The following BCL11A variants were observed in gnomAD, a reference collection of about 807,000 sequenced individuals.
BCL11A encodes the protein B cell CLL/lymphoma 11A.
In BCL11A, 2 loss-of-function variants were observed where a neutral mutation model predicts 55.9. The observed-to-expected ratio is 0.04, with a 90% CI of 0.01 to 0.11. The LOEUF (loss-of-function observed/expected upper bound fraction) is 0.11, where lower values mean the gene tolerates loss of function less well. BCL11A is among the 10% of genes least tolerant of loss of function. BCL11A has a pLI of 1.00. For missense variants in BCL11A, 817 were observed against 1,137.1 expected, an observed-to-expected ratio of 0.72 and a Z score of 4.05; for synonymous variants, 465 against 473.4, an observed-to-expected ratio of 0.98 and a Z score of 0.23.
chr2:60,493,795 T>A (rs1211425215), intron 2 of BCL11A, among the ~76,000 whole-genome samples: 1 of 152,166 alleles, frequency 6.6e-6, no homozygotes, highest in African/African-American at 2.4e-5. Flanking sequence ...TGCTGCCCAG[T>A]GCTGTGGACA....
intron 1 of BCL11A, among the ~76,000 whole-genome samples, chr2:60,550,680 A>G (rs918243529): frequency 6.6e-6 from 1 of 152,064 alleles, no homozygotes; most frequent in African/African-American, 2.4e-5. Flanking sequence ...TAACCCCGGG[A>G]CAGGAGGAGG....
intron 2 of BCL11A, among the ~76,000 whole-genome samples, chr2:60,479,399 C>T (rs1265885216): frequency 6.6e-6 from 1 of 152,224 alleles, no homozygotes; most frequent in African/African-American, 2.4e-5. Context: ...CTAGCATTTC[C>T]ACGCAGTCCC....
At position 60,451,991 on chromosome 2, in the gene BCL11A, G is replaced by A. The variant is rs979149594; in HGVS notation, c.*584C>T. On this transcript the variant is annotated 3_prime_UTR_variant, in exon 5 of 5. Transcript: ENST00000356842. The stretch of plus-strand genomic sequence containing the variant: ...TTCTCCTTGAAAATTTATGCCATCT[G>A]ATAAGCGGTAACCTAGTTCCCCTCC... The A allele has an allele frequency of 1.3e-5, 3 of 227,782 alleles. No homozygotes were observed. The Admixed American group carries it at 1.7e-4, about 13-fold the overall frequency. 14.1% of individuals were successfully genotyped at this position (227,782 alleles called of 1,614,324 possible).
In BCL11A at chr2:60,459,218, T is replaced by C; in HGVS notation, c.*1186A>G. 1 of 1,020,590 alleles carries C rather than the reference T, an allele frequency of 9.8e-7. No individual in the cohort carries two copies. 63.2% of individuals were successfully genotyped at this position (1,020,590 alleles called of 1,614,324 possible). A position where few individuals can be genotyped will look rare whatever the true frequency, so the allele number is the denominator to read the frequency against. ...GTATACAAGGTCTTAAAGTTTATCA[T>C]TTGATTGTCCACTTGACAACCAAGT... On this transcript the variant is annotated 3_prime_UTR_variant, in exon 4 of 4. Transcript: ENST00000642384.
intron 2 of BCL11A, among the ~76,000 whole-genome samples, chr2:60,486,401 A>G (rs1201723171): frequency 6.6e-6 from 1 of 152,242 alleles, no homozygotes; most frequent in Non-Finnish European, 1.5e-5. Flanking sequence ...CTTTCTGCAC[A>G]TATGTGTAGT....
intron 3 of BCL11A, among the ~76,000 whole-genome samples, chr2:60,465,267 G>T (rs1365783410): frequency 6.6e-6 from 1 of 152,166 alleles, no homozygotes; most frequent in Non-Finnish European, 1.5e-5. Context: ...AGAAAGACTG[G>T]AATTGATTTC....
At chr2:60,550,222 ACTGCACCGTGCTCCGAGCCCGGCGCGCG>A (rs1462635396) in intron 1 of BCL11A, among the ~76,000 whole-genome samples, 15 of 151,626 alleles carry the variant, frequency 9.9e-5, no homozygotes, top group Non-Finnish European at 4.4e-5. Flanking sequence ...GAAAGCGAAA[ACTGCACCGTGCTCCGAGCCCGGCGCGCG>A]CTGGTCTCAG....
intron 2 of BCL11A, among the ~76,000 whole-genome samples, chr2:60,488,908 C>A (rs1346488403): frequency 6.6e-6 from 1 of 152,128 alleles, no homozygotes; most frequent in Non-Finnish European, 1.5e-5. Context: ...TATAGGCATG[C>A]GCCACCACAC....
At chr2:60,545,242 AC>A (rs1228420617) in intron 2 of BCL11A, 5 of 152,178 alleles carry the variant, frequency 3.3e-5, no homozygotes, top group African/African-American at 1.2e-4. Flanking sequence ...TGTCAAACCA[AC>A]CTTTTGAAAT....
At chr2:60,491,700 AAAAG>A (rs888788717) in intron 2 of BCL11A, among the ~76,000 whole-genome samples, 6 of 151,576 alleles carry the variant, frequency 4.0e-5, no homozygotes, top group African/African-American at 1.4e-4. Flanking sequence ...AAAAAAAAAA[AAAAG>A]AAAGAAATGC....
At chr2:60,480,814 G>C (rs141264188) in intron 2 of BCL11A, among the ~76,000 whole-genome samples, 15 of 152,196 alleles carry the variant, frequency 9.9e-5, no homozygotes, top group African/African-American at 3.6e-4. Context: ...CTCTCAATTT[G>C]TTTTAGCAAT....
chr2:60,497,196 A>C (rs1678997780), intron 2 of BCL11A, among the ~76,000 whole-genome samples: 1 of 152,224 alleles, frequency 6.6e-6, no homozygotes. Context: ...AAGTCCTTCC[A>C]TGCAGTAGCT....
chr2:60,492,644 G>C (rs1573002095), intron 2 of BCL11A, among the ~76,000 whole-genome samples: 1 of 134,464 alleles, frequency 7.4e-6, no homozygotes, highest in African/African-American at 2.9e-5. Flanking sequence ...CTCTCTCTCT[G>C]TCATTACCAA....
intron 3 of BCL11A, among the ~76,000 whole-genome samples, chr2:60,465,800 G>C (rs1348940685): frequency 6.6e-6 from 1 of 152,194 alleles, no homozygotes; most frequent in Non-Finnish European, 1.5e-5. Flanking sequence ...GTGAATGTGA[G>C]TTTTCATTAC....
intron 2 of BCL11A, among the ~76,000 whole-genome samples, chr2:60,480,139 G>C (rs188464226): frequency 7.9e-5 from 12 of 152,326 alleles, no homozygotes; most frequent in Admixed American, 1.3e-4. Flanking sequence ...AGCGAGGAGG[G>C]GGGAAGGTGG....
intron 2 of BCL11A, chr2:60,525,790 GT>G (rs1669175617): frequency 1.3e-5 from 2 of 152,326 alleles, no homozygotes; most frequent in African/African-American, 4.8e-5. Flanking sequence ...AAAAGTCAAA[GT>G]TTGGTTCTGG....
chr2:60,456,669 C>G (rs1329344294), downstream of BCL11A, among the ~76,000 whole-genome samples: 2 of 152,010 alleles, frequency 1.3e-5, no homozygotes, highest in African/African-American at 4.8e-5. Flanking sequence ...AAACCTGATG[C>G]CTTTGTTTCC....
chr2:60,538,633 G>A (rs1308713827), intron 2 of BCL11A: 1 of 151,814 alleles, frequency 6.6e-6, no homozygotes, highest in Admixed American at 6.6e-5. Flanking sequence ...ATATTTTAAT[G>A]GAATTCCAGT....
chr2:60,521,603 G>T (rs1285461776), intron 2 of BCL11A, among the ~76,000 whole-genome samples: 1 of 152,138 alleles, frequency 6.6e-6, no homozygotes, highest in Non-Finnish European at 1.5e-5. Context: ...CTTCCATCTT[G>T]TGCCCCAGTC....
Sources: gnomAD v4.1 joint callset for allele counts (sites outside exome capture counted in the v4.1 genomes callset) on GRCh38, gnomAD v4.1.1 for gene constraint, MANE v1.5 for transcripts, NCBI Gene and HGNC (gene_info 2026-07-23, HGNC 2026-07-21) for gene names.